GNB1L: variants seen among roughly 807,000 people sequenced by gnomAD.
The protein encoded by GNB1L is guanine nucleotide-binding protein subunit beta-like protein 1.
A neutral mutation model predicts 29.1 loss-of-function variants in GNB1L; 20 were observed. The observed-to-expected ratio is 0.69, with a 90% CI of 0.48 to 1.00. The LOEUF (loss-of-function observed/expected upper bound fraction) is 1.00, where lower values mean the gene tolerates loss of function less well. GNB1L is among the 50% of genes least tolerant of loss of function. GNB1L has a pLI of 0.00. For missense variants in GNB1L, 421 were observed against 464.9 expected (o/e 0.91, Z 0.87); for synonymous variants, 193 against 206.5 (o/e 0.93, Z 0.56).
intron 2 of GNB1L, among the ~76,000 whole-genome samples, chr22:19,843,946 G>GC (rs1321173140): frequency 6.6e-6 from 1 of 152,164 alleles, no homozygotes; most frequent in Non-Finnish European, 1.5e-5. Context: ...GGGTATAGCT[G>GC]CCCCCCAGCA....
intron 5 of GNB1L, among the ~76,000 whole-genome samples, chr22:19,809,393 A>G (rs1168183001): frequency 6.6e-6 from 1 of 152,100 alleles, no homozygotes; most frequent in Non-Finnish European, 1.5e-5. Context: ...GCTGAGAGCT[A>G]CTTCCACTCA....
At chr22:19,843,038 C>T (rs764462064) in intron 2 of GNB1L, among the ~76,000 whole-genome samples, 1 of 152,186 alleles carries the variant, frequency 6.6e-6, no homozygotes, top group African/African-American at 2.4e-5. Context: ...TTCCAAATCC[C>T]GTGCATTGTC....
chr22:19,788,570 T>C lies in GNB1L; in HGVS notation c.*139A>G. 3 of 1,098,340 alleles carry C rather than the reference T, an allele frequency of 2.7e-6. No individual in the cohort carries two copies. The highest frequency in any genetic ancestry group is 4.2e-6 in the Non-Finnish European group (3 of 710,252). The allele number at this position is 1,098,340 out of a possible 1,614,324, so 68.0% of individuals were successfully genotyped here. On this transcript the variant is annotated 3_prime_UTR_variant, in exon 8 of 8. Transcript: ENST00000329517. ...TCCACAAAAGGAAATACCAACCTCA[T>C]GAAGACAGCGGGGACTCCATGGTCC...
rs577397316 is a variant in GNB1L, at chr22:19,832,764, A to G, written c.-20-11389T>C. ...AAGATGGCAAGGGGGGAAACTACAG[A>G]GTGGGGAGAGCTAAAAAAAGTTCCC... is the stretch of plus-strand genomic sequence containing the variant. On this transcript the variant is annotated intron_variant, in intron 2 of 7. Coordinates refer to ENST00000329517, the MANE Select transcript of GNB1L (RefSeq NM_053004.3). 3.3e-5 allele frequency among the ~76,000 whole-genome samples: 5 copies of G among 152,300 alleles called. No homozygotes were observed. The South Asian group carries it at 1.0e-3, about 32-fold the overall frequency.
chr22:19,849,491 C>A, intron 2 of GNB1L: 2 of 287,626 alleles, frequency 7.0e-6, no homozygotes, highest in Non-Finnish European at 1.0e-5. Context: ...GCCTCAGCCT[C>A]CCAAGTAGCT....
chr22:19,814,771 AG>A (rs1272646542), intron 4 of GNB1L, among the ~76,000 whole-genome samples: 10 of 152,202 alleles, frequency 6.6e-5, no homozygotes, highest in African/African-American at 2.4e-4. Flanking sequence ...AGTGTCAGCT[AG>A]GTGCAGTGGA....
intron 2 of GNB1L, among the ~76,000 whole-genome samples, chr22:19,839,471 C>A (rs567153693): frequency 9.9e-5 from 15 of 152,244 alleles, no homozygotes; most frequent in African/African-American, 3.6e-4. Flanking sequence ...GAGACAGGCA[C>A]AGTGGTTCAT....
At chr22:19,800,170 C>G (rs922392411) in intron 7 of GNB1L, among the ~76,000 whole-genome samples, 1 of 152,248 alleles carries the variant, frequency 6.6e-6, no homozygotes, top group African/African-American at 2.4e-5. Flanking sequence ...TCAATCCGGT[C>G]AAGTTCATCT....
chr22:19,797,142 TAC>T (rs545961366), intron 7 of GNB1L, among the ~76,000 whole-genome samples: 6 of 152,212 alleles, frequency 3.9e-5, no homozygotes, highest in African/African-American at 1.4e-4. Context: ...AAGACCAACC[TAC>T]AGTCACTCAC....
At chr22:19,833,039 C>T (rs563083693) in intron 2 of GNB1L, among the ~76,000 whole-genome samples, 34 of 152,258 alleles carry the variant, frequency 2.2e-4, no homozygotes, top group Non-Finnish European at 4.3e-4. Flanking sequence ...ACTGGGTTGA[C>T]TGCCTGCTAG....
chr22:19,838,662 T>C (rs1034001928), intron 2 of GNB1L, among the ~76,000 whole-genome samples: 6 of 152,126 alleles, frequency 3.9e-5, no homozygotes, highest in African/African-American at 1.2e-4. Context: ...GGTTTCACCA[T>C]GTTGGCCAGG....
chr22:19,792,424 A>G, intron 7 of GNB1L: 1 of 1,565,096 alleles, frequency 6.4e-7, no homozygotes, highest in African/African-American at 1.3e-5. Context: ...ATCGGACAGG[A>G]CATCCAGCCC....
chr22:19,830,382 C>A (rs1937662817), intron 2 of GNB1L, among the ~76,000 whole-genome samples: 1 of 151,532 alleles, frequency 6.6e-6, no homozygotes, highest in Non-Finnish European at 1.5e-5. Context: ...TATACAATAA[C>A]AATAAAGAGC....
At chr22:19,834,551 C>G (rs921509496) in intron 2 of GNB1L, among the ~76,000 whole-genome samples, 1 of 152,098 alleles carries the variant, frequency 6.6e-6, no homozygotes, top group Non-Finnish European at 1.5e-5. Flanking sequence ...GCAGTTATAA[C>G]ATAATGGAGG....
intron 7 of GNB1L, among the ~76,000 whole-genome samples, chr22:19,800,086 C>G (rs1335867965): frequency 6.6e-6 from 1 of 152,268 alleles, no homozygotes; most frequent in African/African-American, 2.4e-5. Context: ...CTCCCTGTTC[C>G]TGGTTCTCCC....
chr22:19,820,869 CA>C, intron 3 of GNB1L, 146 bp from the exon 4 acceptor site: 1 of 948,634 alleles, frequency 1.1e-6, no homozygotes. Flanking sequence ...AACTAAGGGC[CA>C]AACTGGCAAA....
At chr22:19,793,177 TATTCAA>T in intron 7 of GNB1L, 1 of 876,000 alleles carries the variant, frequency 1.1e-6, no homozygotes. Flanking sequence ...AAGGAAAGTG[TATTCAA>T]ATAATTACCC....
chr22:19,820,059 C>G (rs574734320), intron 4 of GNB1L, among the ~76,000 whole-genome samples: 8 of 152,250 alleles, frequency 5.3e-5, no homozygotes, highest in African/African-American at 1.9e-4. Flanking sequence ...CAGGGCTCAG[C>G]TGCCGGAACA....
chr22:19,830,816 T>C (rs989223179), intron 2 of GNB1L, among the ~76,000 whole-genome samples: 2 of 152,220 alleles, frequency 1.3e-5, no homozygotes, highest in African/African-American at 2.4e-5. Flanking sequence ...ATTAAAAGTA[T>C]AGTACTCCTG....
Sources: gnomAD v4.1 joint callset for allele counts (sites outside exome capture counted in the v4.1 genomes callset) on GRCh38, gnomAD v4.1.1 for gene constraint, MANE v1.5 for transcripts, NCBI Gene and HGNC (gene_info 2026-07-23, HGNC 2026-07-21) for gene names.